BMP6: variants seen among roughly 807,000 people sequenced by gnomAD.
BMP6 encodes the protein bone morphogenetic protein 6, also known as VG-1-R.
In BMP6, 17 loss-of-function variants were observed where a neutral mutation model predicts 54.1. The ratio of observed to expected loss-of-function variants is 0.31; its 90% CI spans 0.22 to 0.47. The LOEUF is 0.47. BMP6 is among the 20% of genes least tolerant of loss of function. The pLI is 1.00. For synonymous variants in BMP6, 328 were observed against 291.2 expected, an observed-to-expected ratio of 1.13 and a Z score of -1.28; for missense variants, 720 against 690.4, an observed-to-expected ratio of 1.04 and a Z score of -0.48.
intron 1 of BMP6, among the ~76,000 whole-genome samples, chr6:7,776,075 T>A (rs1050790616): frequency 1.3e-5 from 2 of 152,294 alleles, no homozygotes; most frequent in Middle Eastern, 3.4e-3. Flanking sequence ...AAACACTAGA[T>A]GATGTTTGTT....
intron 4 of BMP6, among the ~76,000 whole-genome samples, chr6:7,875,181 C>G (rs963995482): frequency 1.3e-5 from 2 of 152,144 alleles, no homozygotes; most frequent in East Asian, 3.8e-4. Flanking sequence ...ACTGGGAGCT[C>G]TGATGTCCCA....
intron 1 of BMP6, among the ~76,000 whole-genome samples, chr6:7,831,710 A>G (rs1758796300): frequency 6.6e-6 from 1 of 152,208 alleles, no homozygotes; most frequent in Non-Finnish European, 1.5e-5. Flanking sequence ...TTCTGGGCCA[A>G]TAGTGCTGCT....
chr6:7,756,257 A>G (rs1757513460), intron 1 of BMP6, among the ~76,000 whole-genome samples: 1 of 152,006 alleles, frequency 6.6e-6, no homozygotes, highest in Non-Finnish European at 1.5e-5. Context: ...CTAAGACATC[A>G]AGTTCACTAA....
intron 1 of BMP6, among the ~76,000 whole-genome samples, chr6:7,754,420 T>C (rs1757478878): frequency 6.6e-6 from 1 of 151,908 alleles, no homozygotes; most frequent in Non-Finnish European, 1.5e-5. Context: ...AAATCTTTAC[T>C]GGCTTTCTTT....
At chr6:7,734,549 C>G (rs1761924085) in intron 1 of BMP6, among the ~76,000 whole-genome samples, 1 of 152,144 alleles carries the variant, frequency 6.6e-6, no homozygotes, top group South Asian at 2.1e-4. Flanking sequence ...GGGGTTTTCT[C>G]TTAGTGGATA....
chr6:7,786,728 AAAG>A (rs1251210886), intron 1 of BMP6, among the ~76,000 whole-genome samples: 3 of 152,140 alleles, frequency 2.0e-5, no homozygotes, highest in Admixed American at 2.0e-4. Flanking sequence ...GAATACACAG[AAAG>A]AAGAAGGAAA....
In BMP6 at chr6:7,880,403, T is replaced by TA. The variant is rs1173907296; in HGVS notation, c.*67dup. ...TTGGATTCCTAGATTACATCTGCCT[T>TA]AAAAAAACACGGAAGCACAGTTGGA... is the stretch of plus-strand genomic sequence containing the variant. On this transcript the variant is annotated 3_prime_UTR_variant, in exon 7 of 7. Coordinates refer to ENST00000283147, the MANE Select transcript of BMP6 (RefSeq NM_001718.6). 11 of 1,599,660 alleles carry TA rather than the reference T, an allele frequency of 6.9e-6. No individual in the cohort carries two copies. Among genetic ancestry groups the TA allele is most frequent in the South Asian group, 3.3e-5 (3 of 90,374 alleles).
intron 1 of BMP6, among the ~76,000 whole-genome samples, chr6:7,832,209 T>C (rs912885167): frequency 1.3e-5 from 2 of 152,160 alleles, no homozygotes; most frequent in African/African-American, 4.8e-5. Flanking sequence ...TAAAGGAAGA[T>C]TTAAAATATT....
At chr6:7,877,505 C>T (rs1724866487) in intron 4 of BMP6, among the ~76,000 whole-genome samples, 1 of 152,118 alleles carries the variant, frequency 6.6e-6, no homozygotes, top group South Asian at 2.1e-4. Flanking sequence ...CGCCTGTAGT[C>T]CCAGCTACTC....
chr6:7,878,728 G>A (rs1020911006), intron 4 of BMP6, among the ~76,000 whole-genome samples: 1 of 152,258 alleles, frequency 6.6e-6, no homozygotes, highest in African/African-American at 2.4e-5. Flanking sequence ...TCATGTGAAT[G>A]TGATGCCTTC....
intron 1 of BMP6, among the ~76,000 whole-genome samples, chr6:7,823,746 G>C (rs78846680): frequency 6.6e-6 from 1 of 152,176 alleles, no homozygotes; most frequent in Admixed American, 6.5e-5. Context: ...ATGTGCAAAG[G>C]TCCTGTGGCA....
chr6:7,862,085 T>C (rs985182784), intron 3 of BMP6, among the ~76,000 whole-genome samples: 2 of 152,130 alleles, frequency 1.3e-5, no homozygotes, highest in African/African-American at 4.8e-5. Flanking sequence ...CGCCACTCCT[T>C]CATGTGATTC....
intron 1 of BMP6, among the ~76,000 whole-genome samples, chr6:7,735,564 G>C (rs940320536): frequency 6.6e-6 from 1 of 152,176 alleles, no homozygotes; most frequent in African/African-American, 2.4e-5. Flanking sequence ...CAACGGAGAA[G>C]CTGTACATTT....
At chr6:7,819,260 T>C (rs912742495) in intron 1 of BMP6, among the ~76,000 whole-genome samples, 1 of 152,136 alleles carries the variant, frequency 6.6e-6, no homozygotes, top group Non-Finnish European at 1.5e-5. Context: ...TCTGTCCCAG[T>C]TTTAGCAGCT....
chr6:7,771,897 A>G (rs1397513914), intron 1 of BMP6, among the ~76,000 whole-genome samples: 1 of 152,076 alleles, frequency 6.6e-6, no homozygotes, highest in Non-Finnish European at 1.5e-5. Flanking sequence ...TACTAAAAAT[A>G]CAAAAATTAG....
intron 1 of BMP6, among the ~76,000 whole-genome samples, chr6:7,822,145 C>G (rs771183763): frequency 6.6e-6 from 1 of 152,090 alleles, no homozygotes; most frequent in African/African-American, 2.4e-5. Context: ...CTCAGCCTCC[C>G]GAGTAGCTGG....
At chr6:7,852,683 T>C (rs1759163820) in intron 2 of BMP6, among the ~76,000 whole-genome samples, 1 of 152,258 alleles carries the variant, frequency 6.6e-6, no homozygotes, top group South Asian at 2.1e-4. Context: ...CTCGATTTTT[T>C]AGCTCCTCAG....
chr6:7,794,792 T>C (rs1164206665), intron 1 of BMP6, among the ~76,000 whole-genome samples: 1 of 152,090 alleles, frequency 6.6e-6, no homozygotes, highest in African/African-American at 2.4e-5. Context: ...TCGTAAGTGA[T>C]AGGACAGGGA....
At chr6:7,802,855 T>C (rs1758291549) in intron 1 of BMP6, among the ~76,000 whole-genome samples, 1 of 152,196 alleles carries the variant, frequency 6.6e-6, no homozygotes, top group Non-Finnish European at 1.5e-5. Context: ...GCCTTCTGGC[T>C]TAGAGCTGAA....
Sources: allele counts gnomAD v4.1 joint callset (sites outside exome capture counted in the v4.1 genomes callset), GRCh38; gene constraint gnomAD v4.1.1; transcripts MANE v1.5; gene names NCBI Gene and HGNC (gene_info 2026-07-23, HGNC 2026-07-21).